Variants in FRMD4A observed in about 807,000 individuals in gnomAD.
FRMD4A encodes FERM domain-containing protein 4A.
A neutral mutation model predicts 129.1 loss-of-function variants in FRMD4A; 29 were observed. That is an observed-to-expected ratio of 0.22 (90% CI 0.17 to 0.31). FRMD4A has a LOEUF of 0.31. Among genes scored for constraint, FRMD4A ranks in the 10% least tolerant of loss-of-function variants. The probability of loss-of-function intolerance (pLI) is 1.00; values close to 1 mark genes in which losing one functional copy is unlikely to be tolerated. For missense variants in FRMD4A, 1,272 were observed against 1,375.8 expected, an observed-to-expected ratio of 0.92 and a Z score of 1.19; for synonymous variants, 634 against 571.6, an observed-to-expected ratio of 1.11 and a Z score of -1.56.
intron 2 of FRMD4A, among the ~76,000 whole-genome samples, chr10:14,113,521 G>A (rs1838036252): frequency 1.3e-5 from 2 of 152,264 alleles, no homozygotes; most frequent in South Asian, 4.2e-4. Flanking sequence ...TAAGGCTTCT[G>A]GTGAAGATCA....
At chr10:13,738,399 C>T (rs1253351640) in intron 11 of FRMD4A, among the ~76,000 whole-genome samples, 1 of 152,156 alleles carries the variant, frequency 6.6e-6, no homozygotes, top group Non-Finnish European at 1.5e-5. Flanking sequence ...GAAAGTGACT[C>T]CTCTCATTTT....
intron 2 of FRMD4A, among the ~76,000 whole-genome samples, chr10:13,917,946 T>C (rs959035168): frequency 2.0e-5 from 3 of 152,186 alleles, no homozygotes; most frequent in Non-Finnish European, 2.9e-5. Context: ...GGATGTGGTG[T>C]GGGCAAGCGC....
At chr10:13,665,035 A>AC (rs2082911507) in intron 18 of FRMD4A, among the ~76,000 whole-genome samples, 1 of 152,136 alleles carries the variant, frequency 6.6e-6, no homozygotes, top group East Asian at 1.9e-4. Context: ...GGCATGCGCC[A>AC]CCACGCCTGG....
intron 2 of FRMD4A, among the ~76,000 whole-genome samples, chr10:13,955,294 G>A (rs1425008147): frequency 6.6e-6 from 1 of 152,024 alleles, no homozygotes; most frequent in African/African-American, 2.4e-5. Flanking sequence ...TTTTAGTGGA[G>A]ACGGGGTTTC....
intron 2 of FRMD4A, among the ~76,000 whole-genome samples, chr10:14,094,609 A>G (rs974155485): frequency 6.6e-6 from 1 of 152,140 alleles, no homozygotes; most frequent in African/African-American, 2.4e-5. Context: ...TGAGCCCTGC[A>G]TGGCTCCATG....
At chr10:13,686,176 T>C (rs1390574535) in intron 15 of FRMD4A, among the ~76,000 whole-genome samples, 2 of 152,184 alleles carry the variant, frequency 1.3e-5, no homozygotes, top group African/African-American at 4.8e-5. Context: ...ATCCTGTCCA[T>C]TGTTAGACCT....
intron 2 of FRMD4A, among the ~76,000 whole-genome samples, chr10:14,036,744 C>G (rs943737726): frequency 4.6e-5 from 7 of 152,100 alleles, no homozygotes; most frequent in Non-Finnish European, 1.0e-4. Flanking sequence ...CCATTATACT[C>G]GTCTAATTTT....
At chr10:13,995,141 T>G (rs574009390) in intron 2 of FRMD4A, among the ~76,000 whole-genome samples, 1 of 152,306 alleles carries the variant, frequency 6.6e-6, no homozygotes, top group East Asian at 1.9e-4. Flanking sequence ...CATGTTTCTC[T>G]TATGCCACCT....
intron 2 of FRMD4A, among the ~76,000 whole-genome samples, chr10:14,208,949 A>G (rs932534655): frequency 1.3e-5 from 2 of 151,910 alleles, no homozygotes; most frequent in Non-Finnish European, 2.9e-5. Flanking sequence ...ACCTCTTGAC[A>G]CTCTGGAGGG....
chr10:14,240,573 TG>T (rs1394947767), intron 2 of FRMD4A, among the ~76,000 whole-genome samples: 1 of 152,196 alleles, frequency 6.6e-6, no homozygotes, highest in Non-Finnish European at 1.5e-5. Context: ...GTCTATGCCC[TG>T]GAGATTCGGA....
chr10:14,137,373 G>A (rs1839592324), intron 2 of FRMD4A, among the ~76,000 whole-genome samples: 1 of 152,194 alleles, frequency 6.6e-6, no homozygotes, highest in African/African-American at 2.4e-5. Flanking sequence ...TGTGTGTTTT[G>A]AAGCTAAGAG....
At chr10:14,213,264 C>T (rs968906978) in intron 2 of FRMD4A, among the ~76,000 whole-genome samples, 2 of 152,014 alleles carry the variant, frequency 1.3e-5, no homozygotes, top group African/African-American at 4.8e-5. Context: ...AATAAATAAA[C>T]AAATAAATAA....
chr10:13,999,218 C>G (rs12414109), intron 2 of FRMD4A, among the ~76,000 whole-genome samples: 39,861 of 152,002 alleles, frequency 0.26, 6,044 homozygotes, highest in East Asian at 0.59. Context: ...CTCCGTCTCC[C>G]CCTGCTCCTT....
chr10:14,071,264 A>G (rs1371058471), intron 2 of FRMD4A, among the ~76,000 whole-genome samples: 4 of 152,218 alleles, frequency 2.6e-5, no homozygotes, highest in East Asian at 1.9e-4. Flanking sequence ...AACGACATTA[A>G]TTCTCTAAGA....
intron 2 of FRMD4A, among the ~76,000 whole-genome samples, chr10:14,239,648 C>CA (rs143278130): frequency 0.24 from 33,567 of 142,742 alleles, 3,774 homozygotes; most frequent in Middle Eastern, 0.32. Context: ...AACAAACAAA[C>CA]AAACAAAAAA....
intron 12 of FRMD4A, among the ~76,000 whole-genome samples, 155 bp downstream of exon 12, chr10:13,737,689 G>T (rs2090722466): frequency 1.3e-5 from 2 of 152,064 alleles, no homozygotes; most frequent in East Asian, 3.9e-4. Flanking sequence ...AGGGAACTCA[G>T]ATGGGATTGC....
chr10:13,773,383 G>GC (rs1220640347), intron 6 of FRMD4A, among the ~76,000 whole-genome samples: 1 of 152,188 alleles, frequency 6.6e-6, no homozygotes. Flanking sequence ...CACCTCGGTG[G>GC]CCTTTTGGAT....
chr10:13,825,342 C>T (rs2093686528), intron 3 of FRMD4A, among the ~76,000 whole-genome samples: 1 of 152,174 alleles, frequency 6.6e-6, no homozygotes, highest in Non-Finnish European at 1.5e-5. Flanking sequence ...GGTCCCCAAA[C>T]CCCGGGCCGC....
chr10:14,325,807 GA>G (rs1843250018), intron 2 of FRMD4A, among the ~76,000 whole-genome samples: 1 of 152,256 alleles, frequency 6.6e-6, no homozygotes, highest in South Asian at 2.1e-4. Flanking sequence ...AATTTATAAA[GA>G]AATGAAATGA....
Sources: gnomAD v4.1 joint callset for allele counts (sites outside exome capture counted in the v4.1 genomes callset) on GRCh38, gnomAD v4.1.1 for gene constraint, MANE v1.5 for transcripts, NCBI Gene and HGNC (gene_info 2026-07-23, HGNC 2026-07-21) for gene names.